Variants in LYPD6B observed in about 807,000 individuals in gnomAD.
The protein encoded by LYPD6B is ly6/PLAUR domain-containing protein 6B.
A neutral mutation model predicts 22.8 loss-of-function variants in LYPD6B; 17 were observed. The ratio of observed to expected loss-of-function variants is 0.75; its 90% CI spans 0.51 to 1.12. The LOEUF (loss-of-function observed/expected upper bound fraction) is 1.12, where lower values mean the gene tolerates loss of function less well. Among genes scored for constraint, LYPD6B ranks in the 50% most tolerant of loss-of-function variants. The pLI is 0.00. For missense variants in LYPD6B, 221 were observed against 258.3 expected (o/e 0.86, Z 0.99); for synonymous variants, 106 against 91.6 (o/e 1.16, Z -0.90).
At chr2:149,146,686 C>T (rs1047595690) in intron 2 of LYPD6B, among the ~76,000 whole-genome samples, 6 of 151,724 alleles carry the variant, frequency 4.0e-5, no homozygotes, top group South Asian at 2.1e-4. Context: ...CGAACTATGG[C>T]TATTGGGGGC....
chr2:149,160,684 T>C (rs1689997021), intron 2 of LYPD6B, 80 bp from the exon 3 acceptor site: 1 of 1,012,460 alleles, frequency 9.9e-7, no homozygotes, highest in South Asian at 1.4e-5. Flanking sequence ...CTGCCTTTTG[T>C]TAGAAAACAT....
At chr2:149,100,416 C>CAAGAAAAA (rs1686141407) in intron 1 of LYPD6B, among the ~76,000 whole-genome samples, 1 of 67,964 alleles carries the variant, frequency 1.5e-5, no homozygotes, top group Non-Finnish European at 2.6e-5. Context: ...TTGGCTTTGA[C>CAAGAAAAA]AAAAAAAAAA....
At chr2:149,202,578 C>A (rs1157765244) in intron 3 of LYPD6B, among the ~76,000 whole-genome samples, 1 of 152,196 alleles carries the variant, frequency 6.6e-6, no homozygotes, top group Non-Finnish European at 1.5e-5. Context: ...CTTCATGAAA[C>A]TTATGACTAT....
intron 1 of LYPD6B, among the ~76,000 whole-genome samples, chr2:149,120,383 A>ATATATTTTTTTTTTTTT: frequency 2.1e-5 from 1 of 48,614 alleles, no homozygotes; most frequent in African/African-American, 1.1e-4. Context: ...ATATATATAT[A>ATATATTTTTTTTTTTTT]TTTTTTTTTT....
At chr2:149,166,197 T>C (rs1400748297) in intron 3 of LYPD6B, among the ~76,000 whole-genome samples, 1 of 152,168 alleles carries the variant, frequency 6.6e-6, no homozygotes, top group Non-Finnish European at 1.5e-5. Context: ...TTTATTTAGC[T>C]TTTTGTTTAA....
At chr2:149,208,009 C>T (rs1236529198) in intron 4 of LYPD6B, among the ~76,000 whole-genome samples, 1 of 152,074 alleles carries the variant, frequency 6.6e-6, no homozygotes, top group East Asian at 1.9e-4. Flanking sequence ...ACCCCCTCAA[C>T]CCCTACTTAT....
intron 3 of LYPD6B, among the ~76,000 whole-genome samples, chr2:149,193,601 C>T (rs1692630462): frequency 6.6e-6 from 1 of 152,092 alleles, no homozygotes; most frequent in African/African-American, 2.4e-5. Context: ...TCCCTGGACA[C>T]AAGAGGCTCC....
In LYPD6B at chr2:149,038,740, T is replaced by TGGGAGCCTGGGCC. The variant is rs1208519865; in HGVS notation, c.-120_-108dup. Reference sequence around the variant, plus strand: ...CAACGCCGGCCCCAGGCGGGTGCGCTGGGAGCCTGGGCCGGGAGCCGGGTG... The same window carrying TGGGAGCCTGGGCC: ...CAACGCCGGCCCCAGGCGGGTGCGCTGGGAGCCTGGGCCGGGAGCCTGGGCCGGGAGCCGGGTG... On this transcript the variant is annotated 5_prime_UTR_variant, in exon 1 of 7. Coordinates refer to ENST00000409642, the MANE Select transcript of LYPD6B (RefSeq NM_177964.5). 1 of 150,754 alleles carries TGGGAGCCTGGGCC rather than the reference T, an allele frequency of 6.6e-6. No homozygotes were observed. Among genetic ancestry groups the TGGGAGCCTGGGCC allele is most frequent in the Admixed American group, 6.6e-5 (1 of 15,168 alleles). 9.3% of individuals were successfully genotyped at this position (150,754 alleles called of 1,614,324 possible). A position where few individuals can be genotyped will look rare whatever the true frequency, so the allele number is the denominator to read the frequency against.
rs117063691 is a variant in LYPD6B, at chr2:149,137,203, G to A, written c.5+6250G>A. ...GAGTCAAAGAGGGGGAACTGGATGAGTGAGGTTAATTAAATTGTTAAGATC... is the reference window on the plus strand; with the variant it reads ...GAGTCAAAGAGGGGGAACTGGATGAATGAGGTTAATTAAATTGTTAAGATC... On this transcript the variant is annotated intron_variant, in intron 2 of 6. Transcript: ENST00000409642. Among the ~76,000 whole-genome samples, 56 of 152,302 alleles carry A rather than the reference G, an allele frequency of 3.7e-4. No individual in the cohort carries two copies. The East Asian group carries it at 9.3e-3, about 25-fold the overall frequency.
intron 5 of LYPD6B, among the ~76,000 whole-genome samples, chr2:149,210,097 C>A (rs1007341839): frequency 1.3e-5 from 2 of 152,166 alleles, no homozygotes; most frequent in African/African-American, 2.4e-5. Context: ...TAGGCCTTAT[C>A]TTCATGGCTC....
At chr2:149,136,686 T>C (rs1229133534) in intron 2 of LYPD6B, among the ~76,000 whole-genome samples, 1 of 152,232 alleles carries the variant, frequency 6.6e-6, no homozygotes, top group Non-Finnish European at 1.5e-5. Flanking sequence ...TCCTCCAAAT[T>C]CTGCAGAGGC....
chr2:149,120,499 C>G (rs1485829168), intron 1 of LYPD6B, among the ~76,000 whole-genome samples: 1 of 146,998 alleles, frequency 6.8e-6, no homozygotes, highest in Non-Finnish European at 1.5e-5. Context: ...TCTCCTGCCT[C>G]AGCCTCCCAA....
At chr2:149,146,509 C>A (rs384231) in intron 2 of LYPD6B, among the ~76,000 whole-genome samples, 1 of 151,922 alleles carries the variant, frequency 6.6e-6, no homozygotes, top group Non-Finnish European at 1.5e-5. Context: ...CAGGGCTGGG[C>A]CACGCCAGGC....
chr2:149,045,306 G>T (rs1410150376), intron 1 of LYPD6B, among the ~76,000 whole-genome samples: 1 of 151,908 alleles, frequency 6.6e-6, no homozygotes, highest in Non-Finnish European at 1.5e-5. Context: ...TATGTCTTCA[G>T]TCTTTTTCTT....
intron 3 of LYPD6B, among the ~76,000 whole-genome samples, chr2:149,183,470 C>T (rs1691880327): frequency 6.6e-6 from 1 of 151,806 alleles, no homozygotes; most frequent in Non-Finnish European, 1.5e-5. Flanking sequence ...GACATTTGTT[C>T]TATGTGGCCA....
chr2:149,084,085 C>T (rs577123549), intron 1 of LYPD6B, among the ~76,000 whole-genome samples: 15 of 151,392 alleles, frequency 9.9e-5, no homozygotes, highest in East Asian at 9.9e-4. Context: ...GGCGACAGAG[C>T]GAGACTCCAT....
intron 2 of LYPD6B, among the ~76,000 whole-genome samples, chr2:149,147,508 T>C (rs927167581): frequency 6.6e-6 from 1 of 151,912 alleles, no homozygotes; most frequent in Non-Finnish European, 1.5e-5. Flanking sequence ...TTTTTGTTTT[T>C]TGTTTGTTTG....
At chr2:149,161,984 G>A (rs1690094118) in intron 3 of LYPD6B, among the ~76,000 whole-genome samples, 1 of 152,134 alleles carries the variant, frequency 6.6e-6, no homozygotes, top group Admixed American at 6.5e-5. Context: ...ATATTGGGTG[G>A]AATGTGAGCT....
At chr2:149,131,311 A>G in intron 2 of LYPD6B, 1 of 224,926 alleles carries the variant, frequency 4.4e-6, no homozygotes, top group Non-Finnish European at 8.6e-6. Context: ...GATGGCTTTG[A>G]GTCCTAATCT....
Sources: gnomAD v4.1 joint callset for allele counts (sites outside exome capture counted in the v4.1 genomes callset) on GRCh38, gnomAD v4.1.1 for gene constraint, MANE v1.5 for transcripts, NCBI Gene and HGNC (gene_info 2026-07-23, HGNC 2026-07-21) for gene names.